LIN7A: variants seen among roughly 807,000 people sequenced by gnomAD.
The protein encoded by LIN7A is protein lin-7 homolog A.
LIN7A carries 25 observed loss-of-function variants against 29.8 expected under a neutral mutation model. That is an observed-to-expected ratio of 0.84 (90% CI 0.61 to 1.17). The LOEUF (loss-of-function observed/expected upper bound fraction) is 1.17. Among genes scored for constraint, LIN7A ranks in the 50% most tolerant of loss-of-function variants. LIN7A has a pLI of 0.00. For synonymous variants in LIN7A, 118 were observed against 107.5 expected, an observed-to-expected ratio of 1.10 and a Z score of -0.60; for missense variants, 239 against 287.0, an observed-to-expected ratio of 0.83 and a Z score of 1.21.
chr12:80,936,082 A>G (rs761371616), intron 1 of LIN7A, among the ~76,000 whole-genome samples: 1 of 152,194 alleles, frequency 6.6e-6, no homozygotes, highest in Non-Finnish European at 1.5e-5. Flanking sequence ...TAAAACATAA[A>G]TACTTGGGAA....
intron 4 of LIN7A, among the ~76,000 whole-genome samples, chr12:80,813,403 T>C (rs1871388216): frequency 6.6e-6 from 1 of 152,136 alleles, no homozygotes; most frequent in African/African-American, 2.4e-5. Context: ...AGACTGCTAA[T>C]AACTTAACAA....
chr12:80,799,746 T>C (rs189080899), intron 5 of LIN7A, among the ~76,000 whole-genome samples: 1 of 152,232 alleles, frequency 6.6e-6, no homozygotes, highest in African/African-American at 2.4e-5. Context: ...TAAACATTAA[T>C]GAAGATTAAT....
chr12:80,815,047 T>C (rs1871467440), intron 4 of LIN7A, among the ~76,000 whole-genome samples: 1 of 152,238 alleles, frequency 6.6e-6, no homozygotes, highest in Non-Finnish European at 1.5e-5. Flanking sequence ...GAAAAATTTT[T>C]ATTTCAAACA....
rs559579736 is a variant in LIN7A, at chr12:80,893,811, C to A, written c.83-4442G>T. Among the ~76,000 whole-genome samples the A allele has an allele frequency of 5.3e-5, 8 of 152,216 alleles. No homozygotes were observed. In the South Asian group the frequency reaches 6.2e-4, roughly 12 times the overall value. Reference sequence around the variant, plus strand: ...AGCTAAAAAGCAGTGCCCAATGGAGCCTAAACCATCTTGAGGTACCCCTTA... The same window carrying A: ...AGCTAAAAAGCAGTGCCCAATGGAGACTAAACCATCTTGAGGTACCCCTTA... On this transcript the variant is annotated intron_variant, in intron 1 of 5. Transcript: ENST00000552864.
intron 2 of LIN7A, among the ~76,000 whole-genome samples, chr12:80,885,320 T>C (rs750083858): frequency 3.9e-5 from 6 of 152,140 alleles, no homozygotes; most frequent in Non-Finnish European, 7.4e-5. Flanking sequence ...TCACTTGAAA[T>C]CAGGGAAATG....
chr12:80,866,529 C>G (rs1210532448), intron 2 of LIN7A, among the ~76,000 whole-genome samples: 2 of 152,098 alleles, frequency 1.3e-5, no homozygotes, highest in African/African-American at 4.8e-5. Context: ...CAAAATTGCT[C>G]AAACCATATG....
At chr12:80,826,182 C>T (rs527389047) in intron 4 of LIN7A, among the ~76,000 whole-genome samples, 5 of 152,266 alleles carry the variant, frequency 3.3e-5, no homozygotes, top group East Asian at 1.9e-4. Context: ...ATGTCTTTTC[C>T]AATTAAATGT....
In LIN7A at chr12:80,797,652, T is replaced by C. The variant is rs897994159; in HGVS notation, c.*75A>G. 3 of 152,660 alleles carry C rather than the reference T, an allele frequency of 2.0e-5. No individual in the cohort carries two copies. The highest frequency in any genetic ancestry group is 2.4e-5 in the African/African-American group (1 of 41,464). The allele number at this position is 152,660 out of a possible 1,614,324, so 9.5% of individuals were successfully genotyped here. ...TAATTATCAGTGTTGTCTTTTACTA[T>C]GTGCTGGGATTCTGAAGCACGGTTT... is the stretch of plus-strand genomic sequence containing the variant. On this transcript the variant is annotated 3_prime_UTR_variant, in exon 6 of 6. Coordinates refer to ENST00000552864, the MANE Select transcript of LIN7A (RefSeq NM_004664.4).
intron 1 of LIN7A, among the ~76,000 whole-genome samples, chr12:80,920,062 T>C (rs1877226226): frequency 6.6e-6 from 1 of 152,326 alleles, no homozygotes; most frequent in Admixed American, 6.5e-5. Context: ...TTTTCTTCAA[T>C]GCTTTATAAG....
chr12:80,861,356 G>C (rs990988964), intron 2 of LIN7A: 1 of 153,956 alleles, frequency 6.5e-6, no homozygotes, highest in Admixed American at 6.5e-5. Flanking sequence ...ACAGGCAAGG[G>C]AAGCTGTCCT....
chr12:80,911,268 ATTTTTTTT>A (rs768907424), intron 1 of LIN7A, among the ~76,000 whole-genome samples: 2 of 105,890 alleles, frequency 1.9e-5, no homozygotes, highest in African/African-American at 3.5e-5. Flanking sequence ...AAGTTTGTCT[ATTTTTTTT>A]TTTTTTTTTT....
chr12:80,921,846 G>T (rs950647741), intron 1 of LIN7A, among the ~76,000 whole-genome samples: 2 of 152,162 alleles, frequency 1.3e-5, no homozygotes, highest in African/African-American at 2.4e-5. Context: ...ATGTCTGCCT[G>T]GTCACAGAAT....
intron 1 of LIN7A, among the ~76,000 whole-genome samples, chr12:80,904,841 G>A (rs921783065): frequency 6.6e-6 from 1 of 152,040 alleles, no homozygotes; most frequent in African/African-American, 2.4e-5. Context: ...GTAGCTGAAG[G>A]TAATTTTATG....
At chr12:80,829,928 C>G (rs1195897279) in intron 4 of LIN7A, among the ~76,000 whole-genome samples, 1 of 152,200 alleles carries the variant, frequency 6.6e-6, no homozygotes, top group Non-Finnish European at 1.5e-5. Flanking sequence ...ACATTGCAAT[C>G]ATAGTAATCA....
chr12:80,832,684 T>C (rs963817371), intron 4 of LIN7A: 3 of 437,670 alleles, frequency 6.9e-6, no homozygotes, highest in South Asian at 1.7e-5. Flanking sequence ...CTCTACTCTT[T>C]AGCTACAAAC....
In LIN7A at chr12:80,794,886, CTT is replaced by C. The variant is rs1408329942; in HGVS notation, c.*2839_*2840del. The C allele has an allele frequency of 2.6e-5, 4 of 152,116 alleles. No homozygotes were observed. The East Asian group carries it at 5.8e-4, about 22-fold the overall frequency. The allele number at this position is 152,116 out of a possible 1,614,324, so 9.4% of individuals were successfully genotyped here. A position where few individuals can be genotyped will look rare whatever the true frequency, so the allele number is the denominator to read the frequency against. On this transcript the variant is annotated 3_prime_UTR_variant, in exon 6 of 6. Coordinates refer to ENST00000552864, the MANE Select transcript of LIN7A (RefSeq NM_004664.4). ...GCTCCAGTGAAAAGGCTTGGAAACT[CTT>C]TTACTGAACTGTGCTCTATGTATTT...
intron 4 of LIN7A, chr12:80,842,165 T>C (rs1397138119): frequency 1.6e-6 from 2 of 1,266,464 alleles, no homozygotes; most frequent in Non-Finnish European, 2.0e-6. Flanking sequence ...TTGCTGTATT[T>C]TGTCTTTATT....
intron 4 of LIN7A, among the ~76,000 whole-genome samples, chr12:80,844,537 C>G (rs1021017916): frequency 6.6e-6 from 1 of 152,056 alleles, no homozygotes; most frequent in African/African-American, 2.4e-5. Context: ...ATCAATCTGG[C>G]CACAAATAAC....
Position 80,877,244 on chromosome 12 carries a change from C to T in LIN7A, c.201+12007G>A, listed in dbSNP as rs140403743. Reference sequence around the variant, plus strand: ...AGACACATGTATGTTAATAGTAGTACCAACCAAGATAGTGATAACCTGGAA... The same window carrying T: ...AGACACATGTATGTTAATAGTAGTATCAACCAAGATAGTGATAACCTGGAA... On this transcript the variant is annotated intron_variant, in intron 2 of 5. Transcript: ENST00000552864. Among the ~76,000 whole-genome samples the T allele has an allele frequency of 2.3e-3, 356 of 151,844 alleles. 2 individuals carry two copies. The highest frequency in any genetic ancestry group is 8.0e-3 in the African/African-American group (332 of 41,432).
Sources: allele counts gnomAD v4.1 joint callset (sites outside exome capture counted in the v4.1 genomes callset), GRCh38; gene constraint gnomAD v4.1.1; transcripts MANE v1.5; gene names NCBI Gene and HGNC (gene_info 2026-07-23, HGNC 2026-07-21).